The following DPH6 variants were observed in gnomAD, a reference collection of about 807,000 sequenced individuals.
The protein encoded by DPH6 is diphthamine biosynthesis 6, also known as diphthine--ammonia ligase.
Under a neutral mutation model 38.2 loss-of-function variants are expected in DPH6, and 33 were observed. The observed-to-expected ratio is 0.86, with a 90% CI of 0.65 to 1.15. The LOEUF (loss-of-function observed/expected upper bound fraction) is 1.15, where lower values mean the gene tolerates loss of function less well. DPH6 is among the 50% of genes most tolerant of loss of function. The pLI is 0.00. For missense variants in DPH6, 325 were observed against 320.0 expected, an observed-to-expected ratio of 1.02 and a Z score of -0.12; for synonymous variants, 108 against 103.0, an observed-to-expected ratio of 1.05 and a Z score of -0.30.
chr15:35,491,642 C>G (rs1566929483), intron 3 of DPH6, among the ~76,000 whole-genome samples: 2 of 150,716 alleles, frequency 1.3e-5, no homozygotes. Flanking sequence ...CTATATAGAT[C>G]TCATATATAG....
intron 3 of DPH6, among the ~76,000 whole-genome samples, chr15:35,251,154 T>C (rs989321767): frequency 3.9e-5 from 6 of 152,230 alleles, no homozygotes; most frequent in African/African-American, 1.4e-4. Context: ...ATGCCAGTCC[T>C]GTCCTTGGTT....
At chr15:35,521,055 TTTA>T in intron 3 of DPH6, 2 of 985,226 alleles carry the variant, frequency 2.0e-6, no homozygotes, top group Non-Finnish European at 2.4e-6. Flanking sequence ...TAGATTTCAT[TTTA>T]TTACAAAAGC....
intron 3 of DPH6, among the ~76,000 whole-genome samples, chr15:35,357,537 A>C (rs1263160650): frequency 1.3e-5 from 2 of 152,196 alleles, no homozygotes; most frequent in African/African-American, 4.8e-5. Flanking sequence ...ATTTATTTCA[A>C]GATTGAAAGC....
intron 3 of DPH6, among the ~76,000 whole-genome samples, chr15:35,481,830 T>C (rs1490019681): frequency 1.3e-5 from 2 of 152,146 alleles, no homozygotes; most frequent in Non-Finnish European, 2.9e-5. Context: ...TTTTAAAATA[T>C]TAAAATCAAA....
intron 3 of DPH6, among the ~76,000 whole-genome samples, chr15:35,248,498 C>T (rs1031396530): frequency 1.3e-5 from 2 of 152,150 alleles, no homozygotes; most frequent in Non-Finnish European, 2.9e-5. Context: ...TCTCCACAAC[C>T]TCAGTCTATT....
intron 3 of DPH6, among the ~76,000 whole-genome samples, chr15:35,351,585 C>T (rs1394950148): frequency 6.6e-6 from 1 of 151,872 alleles, no homozygotes; most frequent in Non-Finnish European, 1.5e-5. Context: ...TTTGTGGTTA[C>T]CATGGAGATC....
chr15:35,373,564 G>T lies in DPH6; in HGVS notation c.707C>A (p.Pro236His). ...TTCTAAAAAGCGTAGATAAGCCACA[G>T]GTGCAAATGCATCAGCTGAATGTAT... ...VVIHSADAFA[P>H]VAYLRFLELH... The change falls in exon 8 of 9, where the codon CCT becomes CAT. Residue 236 changes from proline to histidine, a missense_variant. Transcript: ENST00000256538. 1 of 1,608,576 alleles carries T rather than the reference G, an allele frequency of 6.2e-7. No homozygotes were observed. The highest frequency in any genetic ancestry group is 2.2e-5 in the East Asian group (1 of 44,564).
At chr15:35,316,161 T>G (rs1443733652) in intron 3 of DPH6, among the ~76,000 whole-genome samples, 1 of 152,204 alleles carries the variant, frequency 6.6e-6, no homozygotes, top group Non-Finnish European at 1.5e-5. Flanking sequence ...AATAATTTAT[T>G]GTACATTTCA....
intron 3 of DPH6, among the ~76,000 whole-genome samples, chr15:35,358,855 T>C (rs1595499117): frequency 6.6e-6 from 1 of 152,276 alleles, no homozygotes; most frequent in African/African-American, 2.4e-5. Context: ...TTTGTGTTGG[T>C]TGGCCTCCTG....
chr15:35,352,535 GT>G (rs1004701082), intron 3 of DPH6, among the ~76,000 whole-genome samples: 2 of 152,044 alleles, frequency 1.3e-5, no homozygotes, highest in Non-Finnish European at 2.9e-5. Flanking sequence ...GTGATATTTG[GT>G]TTTTTGTCCT....
intron 3 of DPH6, among the ~76,000 whole-genome samples, chr15:35,483,146 T>G (rs1036974831): frequency 2.0e-5 from 3 of 152,016 alleles, no homozygotes; most frequent in African/African-American, 7.2e-5. Context: ...ACTCAGCATC[T>G]TTAGTAATCA....
intron 3 of DPH6, among the ~76,000 whole-genome samples, chr15:35,515,722 GAA>G (rs61568573): frequency 3.1e-3 from 245 of 77,930 alleles, no homozygotes; most frequent in African/African-American, 0.011. Context: ...CTCCGTCTCA[GAA>G]AAAAAAAAAA....
At chr15:35,428,458 C>T (rs2053594990) in intron 5 of DPH6, among the ~76,000 whole-genome samples, 1 of 151,998 alleles carries the variant, frequency 6.6e-6, no homozygotes, top group Non-Finnish European at 1.5e-5. Context: ...TAAAACAGTT[C>T]TACACACTCC....
intron 6 of DPH6, among the ~76,000 whole-genome samples, chr15:35,382,845 T>TA (rs1415442836): frequency 2.0e-5 from 3 of 146,348 alleles, no homozygotes; most frequent in Non-Finnish European, 3.0e-5. Context: ...AACCTGAAAT[T>TA]AAAAAAAAGA....
chr15:35,268,220 A>AAAT (rs2051797187), intron 3 of DPH6, among the ~76,000 whole-genome samples: 1 of 149,224 alleles, frequency 6.7e-6, no homozygotes, highest in African/African-American at 2.5e-5. Flanking sequence ...AATAAATAAA[A>AAAT]GAAAACTGAA....
chr15:35,190,736 T>C, the DPH6 span, among the ~76,000 whole-genome samples: 161 of 152,358 alleles, frequency 1.1e-3, no homozygotes, highest in Non-Finnish European at 2.0e-3. Context: ...AAGACAGTTA[T>C]CATCTTAGTT....
the DPH6 span, among the ~76,000 whole-genome samples, chr15:35,182,192 T>C: frequency 6.8e-6 from 1 of 146,914 alleles, no homozygotes; most frequent in Non-Finnish European, 1.5e-5. Flanking sequence ...AAGAAAATAA[T>C]GCTGATCAAA....
chr15:35,254,759 GA>G (rs1044844412), intron 3 of DPH6, among the ~76,000 whole-genome samples: 2 of 148,706 alleles, frequency 1.3e-5, no homozygotes, highest in Non-Finnish European at 3.0e-5. Context: ...GGCTGAGTCC[GA>G]AAAGAGAGTC....
At chr15:35,294,273 G>T (rs2052000081) in intron 3 of DPH6, among the ~76,000 whole-genome samples, 1 of 152,072 alleles carries the variant, frequency 6.6e-6, no homozygotes, top group South Asian at 2.1e-4. Context: ...TGTTTCCTTA[G>T]TTAGGACTAG....
Sources: allele counts gnomAD v4.1 joint callset (sites outside exome capture counted in the v4.1 genomes callset), GRCh38; gene constraint gnomAD v4.1.1; transcripts MANE v1.5; gene names NCBI Gene and HGNC (gene_info 2026-07-23, HGNC 2026-07-21).